The following INTS6L variants were observed in gnomAD, a reference collection of about 807,000 sequenced individuals.
INTS6L encodes the protein integrator complex subunit 6-like.
A neutral mutation model predicts 64.7 loss-of-function variants in INTS6L; 18 were observed. The observed-to-expected ratio is 0.28, with a 90% CI of 0.19 to 0.41. INTS6L has a LOEUF of 0.41. Among genes scored for constraint, INTS6L ranks in the 10% least tolerant of loss-of-function variants. INTS6L has a pLI of 1.00. For missense variants in INTS6L, 533 were observed against 661.0 expected, an observed-to-expected ratio of 0.81 and a Z score of 2.12; for synonymous variants, 227 against 235.9, an observed-to-expected ratio of 0.96 and a Z score of 0.34.
chrX:135,541,320 A>G (rs1380339109), intron 2 of INTS6L, among the ~76,000 whole-genome samples: 9 of 112,624 alleles, frequency 8.0e-5, no homozygotes, highest in Non-Finnish European at 1.7e-4. Flanking sequence ...GCCACATTAA[A>G]AAGTAAAAAC....
At chrX:135,562,033 C>G (rs781988367) in intron 9 of INTS6L, among the ~76,000 whole-genome samples, 3 of 108,358 alleles carry the variant, frequency 2.8e-5, no homozygotes, top group Non-Finnish European at 5.7e-5. Context: ...TGATTTATTT[C>G]CTTTCTTCTT....
chrX:135,560,769 G>A (rs191708248), intron 9 of INTS6L, among the ~76,000 whole-genome samples: 1,310 of 108,387 alleles, frequency 0.012, 43 homozygotes, highest in Admixed American at 0.12. Flanking sequence ...ACTCGAACCC[G>A]GGAGGTGGAG....
intron 9 of INTS6L, among the ~76,000 whole-genome samples, chrX:135,562,182 G>A (rs1373472429): frequency 1.8e-5 from 2 of 110,895 alleles, no homozygotes; most frequent in African/African-American, 6.6e-5. Flanking sequence ...GCTGCTTTCC[G>A]CAAATTTTAC....
At chrX:135,554,543 A>G (rs782050971) in intron 8 of INTS6L, among the ~76,000 whole-genome samples, 1 of 112,061 alleles carries the variant, frequency 8.9e-6, no homozygotes, top group African/African-American at 3.2e-5. Context: ...ATAAGAAGGT[A>G]GTGAATTGGT....
chrX:135,569,409 C>G lies in INTS6L; in HGVS notation c.1265C>G (p.Thr422Ser). 1 of 1,184,926 alleles carries G rather than the reference C, an allele frequency of 8.4e-7. No individual in the cohort carries two copies. Among genetic ancestry groups the G allele is most frequent in the Non-Finnish European group, 1.1e-6 (1 of 880,347 alleles). ...CAGGCTTTTGACAGCTACTTAAAAA[C>G]TCTGCCTCCATACTACCTATTAGTA... ...WRQAFDSYLK[T>S]LPPYYLLPLK... Residue 422 changes from threonine to serine, a missense_variant, in exon 10 of 18, where the codon ACT (threonine) becomes AGT (serine). Coordinates refer to ENST00000639893, the MANE Select transcript of INTS6L (RefSeq NM_001351601.3).
rs782326559 is a variant in INTS6L, at chrX:135,569,508, C to T, written c.1287+77C>T. The T allele has an allele frequency of 4.2e-4, 253 of 608,167 alleles. 1 individual carries two copies. In the African/African-American group the frequency reaches 5.3e-3, roughly 13 times the overall value. 50.1% of individuals were successfully genotyped at this position (608,167 alleles called of 1,213,427 possible). A position where few individuals can be genotyped will look rare whatever the true frequency, so the allele number is the denominator to read the frequency against. The stretch of plus-strand genomic sequence containing the variant: ...CACAAGAAATGTTAGTGATCAAAAG[C>T]TTTTACTGTTGCAATAAGAGAGATA... On this transcript the variant is annotated intron_variant, in intron 10 of 17. Coordinates refer to ENST00000639893, the MANE Select transcript of INTS6L (RefSeq NM_001351601.3).
intron 6 of INTS6L, among the ~76,000 whole-genome samples, chrX:135,547,989 C>T (rs2086399750): frequency 9.1e-6 from 1 of 110,264 alleles, no homozygotes; most frequent in Non-Finnish European, 1.9e-5. Flanking sequence ...CATGGTAATG[C>T]ACTGCAAGAA....
In INTS6L at chrX:135,545,280, A is replaced by T. The variant is rs557717413; in HGVS notation, c.190-143A>T. The T allele has an allele frequency of 1.9e-5, 14 of 748,091 alleles. No individual in the cohort carries two copies. The African/African-American group carries it at 2.6e-4, about 14-fold the overall frequency. The allele number at this position is 748,091 out of a possible 1,213,427, so 61.7% of individuals were successfully genotyped here. A position where few individuals can be genotyped will look rare whatever the true frequency, so the allele number is the denominator to read the frequency against. On this transcript the variant is annotated intron_variant, in intron 2 of 17. Transcript: ENST00000639893. ...TTCCGAAACTGCTTGCTTTAGTTCT[A>T]CCTGATCAGTGAAGATATAGAATAG... is the stretch of plus-strand genomic sequence containing the variant.
intron 9 of INTS6L, among the ~76,000 whole-genome samples, chrX:135,560,937 CTTTT>C (rs148244479): frequency 6.9e-5 from 6 of 87,462 alleles, no homozygotes; most frequent in Non-Finnish European, 1.3e-4. Context: ...AATGCTCTTT[CTTTT>C]TTTTTTTTCT....
In INTS6L at chrX:135,546,880, C is replaced by T; in HGVS notation, c.608C>T (p.Thr203Ile). Residue 203 changes from threonine (T) to isoleucine (I), a missense_variant, in exon 5 of 18, where the codon ACA (threonine) becomes ATA (isoleucine). Physicochemically the swap from Thr to Ile is moderately conservative, Grantham distance 89 (BLOSUM62 -1). Coordinates refer to ENST00000639893, the MANE Select transcript of INTS6L (RefSeq NM_001351601.3). ...GCCATCACACAGATGTGTGAAGTCA[C>T]AGGAGGTATTGGCAATATTTAATGT... is the stretch of plus-strand genomic sequence containing the variant. ...ESAITQMCEVTGGRSYCVRTQ... is the reference protein window; with the variant it reads ...ESAITQMCEVIGGRSYCVRTQ... 9 of 1,202,459 alleles carry T rather than the reference C, an allele frequency of 7.5e-6. No homozygotes were observed. Among genetic ancestry groups the T allele is most frequent in the Non-Finnish European group, 1.0e-5 (9 of 890,182 alleles).
At chrX:135,565,591 C>G (rs1200542281) in intron 9 of INTS6L, among the ~76,000 whole-genome samples, 2 of 111,660 alleles carry the variant, frequency 1.8e-5, no homozygotes, top group Non-Finnish European at 3.8e-5. Flanking sequence ...GCCTGGTCCT[C>G]CTTAGCCTAT....
In INTS6L at chrX:135,549,683, G is replaced by C. The variant is rs782148087; in HGVS notation, c.784G>C (p.Ala262Pro). 1.7e-6 allele frequency: 2 copies of C among 1,210,229 alleles called. No individual in the cohort carries two copies. The highest frequency in any genetic ancestry group is 3.0e-5 in the East Asian group (1 of 33,790). ...ATCCAGGCCAAGCAATTCATTTGCT[G>C]CTCAGCCATGGCATAGTTGTCATAA... ...DSSRPSNSFAAQPWHSCHKLI... is the reference protein window; with the variant it reads ...DSSRPSNSFAPQPWHSCHKLI... Residue 262 changes from alanine (A) to proline (P), a missense_variant, in exon 7 of 18, where the codon GCT becomes CCT. Coordinates refer to ENST00000639893, the MANE Select transcript of INTS6L (RefSeq NM_001351601.3).
chrX:135,527,768 T>A (rs1248315686), intron 2 of INTS6L, among the ~76,000 whole-genome samples: 32 of 111,274 alleles, frequency 2.9e-4, no homozygotes, highest in African/African-American at 9.5e-4. Context: ...GGGAGACCCA[T>A]AAGTTGTAGT....
chrX:135,561,541 A>G (rs2086789690), intron 9 of INTS6L, among the ~76,000 whole-genome samples: 1 of 112,154 alleles, frequency 8.9e-6, no homozygotes, highest in African/African-American at 3.2e-5. Context: ...CAAGCTCTTC[A>G]TAAAATGAAT....
chrX:135,528,796 A>T (rs1019859852), intron 2 of INTS6L, among the ~76,000 whole-genome samples: 6 of 106,688 alleles, frequency 5.6e-5, no homozygotes, highest in African/African-American at 2.0e-4. Context: ...AAGATATTTT[A>T]TGATGTTCAT....
Position 135,570,559 on chromosome X carries a change from AAAAC to A in INTS6L, c.1398+25_1398+28del, listed in dbSNP as rs2087065115. On this transcript the variant is annotated intron_variant, in intron 11 of 17. Transcript: ENST00000639893. ...ACTCAGCCAACAGGTAGTATTGGTA[AAAAC>A]AAACAAACAAAAATCCTTTGCCCTC... 4.4e-6 allele frequency: 5 copies of A among 1,148,937 alleles called. No individual in the cohort carries two copies. Among genetic ancestry groups the A allele is most frequent in the African/African-American group, 1.8e-5 (1 of 55,561 alleles). 94.7% of individuals were successfully genotyped at this position (1,148,937 alleles called of 1,213,427 possible).
chrX:135,542,980 A>G (rs1285563389), intron 2 of INTS6L, among the ~76,000 whole-genome samples: 7 of 111,488 alleles, frequency 6.3e-5, no homozygotes, highest in Non-Finnish European at 1.1e-4. Context: ...CTAATTAGCT[A>G]CTAAATCCTT....
intron 2 of INTS6L, among the ~76,000 whole-genome samples, chrX:135,537,131 C>T (rs2086077923): frequency 8.9e-6 from 1 of 111,768 alleles, no homozygotes; most frequent in Admixed American, 9.5e-5. Flanking sequence ...GAAAATATTG[C>T]TTTTAGGCTT....
At position 135,546,458 on chromosome X, in the gene INTS6L, G is replaced by T; in HGVS notation, c.418G>T (p.Val140Phe). 2.6e-6 allele frequency: 3 copies of T among 1,166,983 alleles called. No individual in the cohort carries two copies. The highest frequency in any genetic ancestry group is 4.0e-5 in the South Asian group (2 of 49,746). ...DGNKLTSTAGVQEELHLPLNS... is the reference protein window; with the variant it reads ...DGNKLTSTAGFQEELHLPLNS... ...AAACAAGTTAACAAGTACTGCTGGT[G>T]TTCAAGAAGAGGTGAGATTTTATTT... The change falls in exon 4 of 18, where the codon GTT becomes TTT. Residue 140 changes from valine to phenylalanine, a missense_variant. By Grantham distance (50) the Val-to-Phe change is conservative. Transcript: ENST00000639893.
Sources: gnomAD v4.1 joint callset for allele counts (sites outside exome capture counted in the v4.1 genomes callset) on GRCh38, gnomAD v4.1.1 for gene constraint, MANE v1.5 for transcripts, NCBI Gene and HGNC (gene_info 2026-07-23, HGNC 2026-07-21) for gene names.